Variants in NEGR1 observed in about 807,000 individuals in gnomAD.
The protein encoded by NEGR1 is neuronal growth regulator 1.
In NEGR1, 10 loss-of-function variants were observed where a neutral mutation model predicts 40.9. The observed-to-expected ratio is 0.24, with a 90% CI of 0.15 to 0.42. The LOEUF is 0.42. NEGR1 is among the 10% of genes least tolerant of loss of function. The pLI is 1.00. For synonymous variants in NEGR1, 185 were observed against 166.8 expected (o/e 1.11, Z -0.84); for missense variants, 352 against 438.9 (o/e 0.80, Z 1.77).
At chr1:72,120,514 CTTT>C (rs146818315) in intron 1 of NEGR1, among the ~76,000 whole-genome samples, 1 of 148,804 alleles carries the variant, frequency 6.7e-6, no homozygotes, top group Non-Finnish European at 1.5e-5. Flanking sequence ...TTTTTTCTTT[CTTT>C]TTTTTATCAT....
At chr1:71,639,005 A>G (rs1351170571) in intron 4 of NEGR1, among the ~76,000 whole-genome samples, 1 of 151,806 alleles carries the variant, frequency 6.6e-6, no homozygotes. Flanking sequence ...AAATAAAATA[A>G]GAATAAAATA....
At chr1:71,887,992 GACACACACAC>G (rs57794150) in intron 2 of NEGR1, among the ~76,000 whole-genome samples, 3,068 of 138,234 alleles carry the variant, frequency 0.022, 64 homozygotes, top group Middle Eastern at 0.067. Flanking sequence ...CTTTTGAAAG[GACACACACAC>G]ACACACACAC....
intron 6 of NEGR1, among the ~76,000 whole-genome samples, chr1:71,458,260 C>A (rs1419210797): frequency 6.6e-6 from 1 of 152,168 alleles, no homozygotes; most frequent in African/African-American, 2.4e-5. Flanking sequence ...TTGCTTACTG[C>A]CATTATATTC....
intron 2 of NEGR1, among the ~76,000 whole-genome samples, chr1:71,904,558 G>A (rs904260777): frequency 6.6e-6 from 1 of 152,010 alleles, no homozygotes; most frequent in African/African-American, 2.4e-5. Flanking sequence ...ATCCAATATA[G>A]GTTTGGCAAA....
intron 1 of NEGR1, among the ~76,000 whole-genome samples, chr1:72,205,643 A>G (rs1476255208): frequency 6.7e-6 from 1 of 149,588 alleles, no homozygotes; most frequent in African/African-American, 2.5e-5. Flanking sequence ...TCCACTGGAC[A>G]TGATGGCTCA....
intron 6 of NEGR1, among the ~76,000 whole-genome samples, chr1:71,530,222 T>C (rs1569991926): frequency 1.3e-5 from 2 of 151,518 alleles, no homozygotes; most frequent in African/African-American, 4.8e-5. Context: ...TGAATACTTT[T>C]GTGAGAATTT....
chr1:71,544,150 T>C (rs1028034806), intron 6 of NEGR1, among the ~76,000 whole-genome samples: 2 of 151,732 alleles, frequency 1.3e-5, no homozygotes, highest in African/African-American at 4.8e-5. Flanking sequence ...ATATTTCAAC[T>C]ATTTGCTGAA....
At chr1:71,942,469 A>ATATATATCTATATATATATATC (rs1557446254) in intron 1 of NEGR1, among the ~76,000 whole-genome samples, 1 of 10,616 alleles carries the variant, frequency 9.4e-5, no homozygotes, top group African/African-American at 2.8e-4. Flanking sequence ...ATATATATAT[A>ATATATATCTATATATATATATC]TATATATATA....
At chr1:72,058,969 G>A (rs1259234769) in intron 1 of NEGR1, among the ~76,000 whole-genome samples, 1 of 151,486 alleles carries the variant, frequency 6.6e-6, no homozygotes, top group Non-Finnish European at 1.5e-5. Flanking sequence ...AAACATCAGA[G>A]GTATCTAATG....
intron 2 of NEGR1, among the ~76,000 whole-genome samples, chr1:71,920,781 C>G (rs537568691): frequency 1.3e-5 from 2 of 152,304 alleles, no homozygotes; most frequent in African/African-American, 4.8e-5. Context: ...GGCACAGGTG[C>G]AGGTGTAAAA....
chr1:71,875,805 C>T (rs1220403185), intron 2 of NEGR1, among the ~76,000 whole-genome samples: 2 of 152,096 alleles, frequency 1.3e-5, no homozygotes, highest in East Asian at 3.9e-4. Flanking sequence ...AACTAGGATC[C>T]TTCTCTGGAA....
intron 2 of NEGR1, among the ~76,000 whole-genome samples, chr1:71,843,371 TAA>T (rs1185394042): frequency 2.0e-5 from 3 of 152,140 alleles, no homozygotes; most frequent in Non-Finnish European, 2.9e-5. Context: ...TGGGTCAATT[TAA>T]AATAAGTCCA....
chr1:71,509,212 A>G (rs1647056515), intron 6 of NEGR1, among the ~76,000 whole-genome samples: 1 of 152,172 alleles, frequency 6.6e-6, no homozygotes, highest in African/African-American at 2.4e-5. Context: ...CCCTAGGATG[A>G]GATACCAATC....
intron 6 of NEGR1, among the ~76,000 whole-genome samples, chr1:71,571,620 T>C (rs1313605339): frequency 6.6e-6 from 1 of 151,880 alleles, no homozygotes; most frequent in Non-Finnish European, 1.5e-5. Context: ...CGAAACCACG[T>C]CTCTACCAAA....
At chr1:71,613,489 T>A (rs927356633) in intron 4 of NEGR1, among the ~76,000 whole-genome samples, 4 of 151,516 alleles carry the variant, frequency 2.6e-5, no homozygotes, top group Admixed American at 6.6e-5. Context: ...TCTACTAAAA[T>A]TACAAAAATT....
chr1:71,925,111 A>G (rs2101886609), intron 2 of NEGR1, among the ~76,000 whole-genome samples: 1 of 152,354 alleles, frequency 6.6e-6, no homozygotes, highest in African/African-American at 2.4e-5. Flanking sequence ...AGACCTAGTC[A>G]TCACGCTCAA....
chr1:72,175,501 G>C (rs72941229), intron 1 of NEGR1, among the ~76,000 whole-genome samples: 1 of 151,704 alleles, frequency 6.6e-6, no homozygotes, highest in African/African-American at 2.4e-5. Flanking sequence ...CAAAATGTTC[G>C]CCCTTCCTCT....
At chr1:71,672,258 T>C (rs1026750018) in intron 4 of NEGR1, among the ~76,000 whole-genome samples, 2 of 152,146 alleles carry the variant, frequency 1.3e-5, no homozygotes, top group African/African-American at 4.8e-5. Flanking sequence ...GTAAAAAAAA[T>C]TAAGAATGCT....
chr1:71,988,492 T>G (rs1646420415), intron 1 of NEGR1, among the ~76,000 whole-genome samples: 1 of 139,362 alleles, frequency 7.2e-6, no homozygotes, highest in African/African-American at 2.7e-5. Flanking sequence ...TGAGCCGAGA[T>G]TGCGCCACTG....
Sources: allele counts gnomAD v4.1 joint callset (sites outside exome capture counted in the v4.1 genomes callset), GRCh38; gene constraint gnomAD v4.1.1; transcripts MANE v1.5; gene names NCBI Gene and HGNC (gene_info 2026-07-23, HGNC 2026-07-21).